Variants in CSMD1 observed in about 807,000 individuals in gnomAD.
The protein encoded by CSMD1 is CUB and sushi domain-containing protein 1.
Under a neutral mutation model 417.5 loss-of-function variants are expected in CSMD1, and 213 were observed. That is an observed-to-expected ratio of 0.51 (90% CI 0.46 to 0.57). The LOEUF (loss-of-function observed/expected upper bound fraction) is 0.57, where lower values mean the gene tolerates loss of function less well. CSMD1 is among the 20% of genes least tolerant of loss of function. The pLI, the probability that CSMD1 is intolerant of heterozygous loss-of-function variation, is 0.00. For synonymous variants in CSMD1, 2,862 were observed against 1,736.8 expected (o/e 1.65, Z -16.11); for missense variants, 6,923 against 4,529.7 (o/e 1.53, Z -15.17).
chr8:4,367,137 G>T (rs1460820322), intron 3 of CSMD1, among the ~76,000 whole-genome samples: 1 of 152,032 alleles, frequency 6.6e-6, no homozygotes, highest in African/African-American at 2.4e-5. Context: ...TGTTCAGAAT[G>T]GTATTTCTTA....
At chr8:3,673,401 T>C (rs12677483) in intron 7 of CSMD1, among the ~76,000 whole-genome samples, 50,978 of 152,126 alleles carry the variant, frequency 0.34, 9,073 homozygotes, top group Admixed American at 0.45. Context: ...GAGATGAAAG[T>C]ATTTGAAGAC....
intron 3 of CSMD1, among the ~76,000 whole-genome samples, chr8:4,044,198 C>A (rs183328211): frequency 6.6e-6 from 1 of 152,146 alleles, no homozygotes; most frequent in East Asian, 1.9e-4. Context: ...GTTGAGGGAT[C>A]TGCACAATAA....
chr8:4,316,503 C>G (rs1233028471), intron 3 of CSMD1, among the ~76,000 whole-genome samples: 2 of 152,084 alleles, frequency 1.3e-5, no homozygotes, highest in African/African-American at 2.4e-5. Context: ...CCAACCTATA[C>G]AAATAGAACT....
chr8:3,346,388 G>A (rs752548507), intron 22 of CSMD1, among the ~76,000 whole-genome samples: 8 of 152,110 alleles, frequency 5.3e-5, no homozygotes, highest in African/African-American at 1.7e-4. Flanking sequence ...AAGGCTTACT[G>A]ACTTCTAAAT....
At chr8:3,574,896 A>G (rs192911859) in intron 10 of CSMD1, 49 bp downstream of exon 10, 19 of 1,598,174 alleles carry the variant, frequency 1.2e-5, no homozygotes, top group Middle Eastern at 4.5e-4. Context: ...AATAGATCCT[A>G]TAAGAGTGCT....
At chr8:3,669,672 G>A (rs769347808) in intron 7 of CSMD1, among the ~76,000 whole-genome samples, 1 of 152,078 alleles carries the variant, frequency 6.6e-6, no homozygotes, top group Non-Finnish European at 1.5e-5. Context: ...TGTTAGCTCA[G>A]CACCTATTCT....
rs370045265 is a variant in CSMD1 at position 2,978,591 on chromosome 8, T to C, written c.8566+21A>G. The C allele has an allele frequency of 1.9e-5, 29 of 1,558,994 alleles. No homozygotes were observed. In the African/African-American group the frequency reaches 3.3e-4, roughly 18 times the overall value. On this transcript the variant is annotated intron_variant, in intron 55 of 69. Transcript: ENST00000635120. The stretch of plus-strand genomic sequence containing the variant: ...CCTTGCAGGGGTCTCTGCACAGAAA[T>C]TGGGAATAACCCTGACTTACCCAAA...
intron 40 of CSMD1, among the ~76,000 whole-genome samples, chr8:3,149,842 C>G (rs76295802): frequency 1.3e-5 from 2 of 152,088 alleles, no homozygotes; most frequent in Admixed American, 6.5e-5. Flanking sequence ...TTTAAAAAAA[C>G]CACACCTCCT....
intron 3 of CSMD1, among the ~76,000 whole-genome samples, chr8:4,082,528 A>G (rs948103799): frequency 1.1e-4 from 17 of 152,142 alleles, no homozygotes; most frequent in African/African-American, 3.9e-4. Flanking sequence ...ATAAAACTAA[A>G]AGGAAACACA....
chr8:3,750,761 G>T (rs546811459), intron 6 of CSMD1, among the ~76,000 whole-genome samples: 1 of 152,232 alleles, frequency 6.6e-6, no homozygotes, highest in East Asian at 1.9e-4. Context: ...TGGGTGGCTG[G>T]CAGGGACTCT....
chr8:4,179,116 C>T (rs927735031), intron 3 of CSMD1, among the ~76,000 whole-genome samples: 13 of 152,142 alleles, frequency 8.5e-5, no homozygotes, highest in African/African-American at 2.9e-4. Context: ...GCCCGCATCG[C>T]CAAGTCAATC....
intron 3 of CSMD1, among the ~76,000 whole-genome samples, chr8:4,258,244 C>T (rs1462759078): frequency 6.8e-6 from 1 of 146,858 alleles, no homozygotes; most frequent in Non-Finnish European, 1.5e-5. Context: ...CACACCCTAC[C>T]CCTTCCTATC....
At chr8:4,214,418 C>A (rs971850829) in intron 3 of CSMD1, among the ~76,000 whole-genome samples, 1 of 152,180 alleles carries the variant, frequency 6.6e-6, no homozygotes, top group Non-Finnish European at 1.5e-5. Flanking sequence ...ATGCCTCAGG[C>A]TTCTAAGTAG....
intron 5 of CSMD1, among the ~76,000 whole-genome samples, chr8:3,932,944 T>G (rs1360633510): frequency 6.7e-6 from 1 of 150,358 alleles, no homozygotes; most frequent in Admixed American, 6.6e-5. Context: ...TTTTTAAAAG[T>G]GTATGTGAAT....
intron 2 of CSMD1, among the ~76,000 whole-genome samples, chr8:4,513,126 C>A (rs2037722): frequency 0.19 from 28,781 of 151,964 alleles, 2,802 homozygotes; most frequent in Admixed American, 0.24. Context: ...AGCAAGAGTG[C>A]GCTCCAATGT....
rs192029339 is a variant in CSMD1, at chr8:3,826,719, A to G, written c.819-72677T>C. On this transcript the variant is annotated intron_variant, in intron 5 of 69. Transcript: ENST00000635120. ...CTTGATAATTTCTTTATTTTCAAAG[A>G]AAGAGTTTGTACTGAATATCCCTAG... Among the ~76,000 whole-genome samples the G allele has an allele frequency of 1.8e-4, 27 of 152,310 alleles. No individual in the cohort carries two copies. In the East Asian group the frequency reaches 4.2e-3, roughly 24 times the overall value.
At chr8:3,007,788 G>T (rs1160662893) in intron 52 of CSMD1, among the ~76,000 whole-genome samples, 5 of 121,216 alleles carry the variant, frequency 4.1e-5, no homozygotes, top group African/African-American at 1.2e-4. Context: ...GGGGGAGGGG[G>T]GAGGGATAGC....
intron 5 of CSMD1, among the ~76,000 whole-genome samples, chr8:3,879,842 T>C (rs75571546): frequency 2.8e-5 from 4 of 141,512 alleles, no homozygotes; most frequent in South Asian, 2.2e-4. Flanking sequence ...TGTGCGTGTG[T>C]GTGTGTGTGT....
intron 2 of CSMD1, among the ~76,000 whole-genome samples, chr8:4,544,481 A>C (rs1797548075): frequency 6.6e-6 from 1 of 152,080 alleles, no homozygotes; most frequent in Non-Finnish European, 1.5e-5. Flanking sequence ...ATAAAAATTG[A>C]CTTTTATTTT....
Sources: gnomAD v4.1 joint callset for allele counts (sites outside exome capture counted in the v4.1 genomes callset) on GRCh38, gnomAD v4.1.1 for gene constraint, MANE v1.5 for transcripts, NCBI Gene and HGNC (gene_info 2026-07-23, HGNC 2026-07-21) for gene names.